EDIL3: variants seen among roughly 807,000 people sequenced by gnomAD.
The protein encoded by EDIL3 is EGF like and discoidin domains 3.
Under a neutral mutation model 67.4 loss-of-function variants are expected in EDIL3, and 37 were observed. The observed-to-expected ratio is 0.55, with a 90% confidence interval of 0.42 to 0.72. EDIL3 has a LOEUF of 0.72. Among genes scored for constraint, EDIL3 ranks in the 30% least tolerant of loss-of-function variants. The pLI, the probability that EDIL3 is intolerant of heterozygous loss-of-function variation, is 0.00. For missense variants in EDIL3, 527 were observed against 586.3 expected, an observed-to-expected ratio of 0.90 and a Z score of 1.04; for synonymous variants, 195 against 196.3, an observed-to-expected ratio of 0.99 and a Z score of 0.05.
intron 9 of EDIL3, among the ~76,000 whole-genome samples, chr5:84,019,562 T>A (rs977640366): frequency 6.6e-6 from 1 of 151,470 alleles, no homozygotes; most frequent in Admixed American, 6.6e-5. Flanking sequence ...AAAAATAAAA[T>A]AAAAATAACA....
At chr5:84,234,115 T>TC (rs1276045339) in intron 2 of EDIL3, among the ~76,000 whole-genome samples, 1 of 152,176 alleles carries the variant, frequency 6.6e-6, no homozygotes, top group Non-Finnish European at 1.5e-5. Context: ...TTAGAATGCA[T>TC]AAGAAATTAA....
At chr5:84,014,138 ATT>A (rs1474745609) in intron 9 of EDIL3, among the ~76,000 whole-genome samples, 1 of 152,110 alleles carries the variant, frequency 6.6e-6, no homozygotes, top group South Asian at 2.1e-4. Context: ...GCTTAACAGG[ATT>A]TTTCAATACA....
At chr5:84,340,560 ATATATATATATG>A (rs1342341326) in intron 1 of EDIL3, among the ~76,000 whole-genome samples, 22 of 132,912 alleles carry the variant, frequency 1.7e-4, no homozygotes, top group African/African-American at 6.0e-4. Context: ...ATATATATAT[ATATATATATATG>A]TTAGTCTACA....
chr5:84,376,759 A>T (rs1052021852), intron 1 of EDIL3, among the ~76,000 whole-genome samples: 6 of 152,184 alleles, frequency 3.9e-5, no homozygotes, highest in Non-Finnish European at 8.8e-5. Context: ...AATTCAGTAT[A>T]TATTAAGTGT....
chr5:84,142,111 T>C (rs1442224693), intron 4 of EDIL3, among the ~76,000 whole-genome samples: 1 of 151,498 alleles, frequency 6.6e-6, no homozygotes, highest in Non-Finnish European at 1.5e-5. Context: ...ACCATTATTG[T>C]ACAGATTATA....
chr5:84,373,322 A>T (rs997455990), intron 1 of EDIL3, among the ~76,000 whole-genome samples: 6 of 152,134 alleles, frequency 3.9e-5, no homozygotes, highest in Non-Finnish European at 8.8e-5. Flanking sequence ...TCCAATCATC[A>T]TGTCTTCTAC....
At chr5:84,259,290 C>T (rs577259848) in intron 1 of EDIL3, among the ~76,000 whole-genome samples, 1 of 152,174 alleles carries the variant, frequency 6.6e-6, no homozygotes, top group South Asian at 2.1e-4. Context: ...CAATGACAAC[C>T]AGTAGAAGAG....
chr5:84,154,469 T>C (rs1748454514), intron 4 of EDIL3, among the ~76,000 whole-genome samples: 1 of 152,150 alleles, frequency 6.6e-6, no homozygotes. Flanking sequence ...ATGGAGGCTG[T>C]TCTAGCATTA....
chr5:84,074,615 C>T (rs1438183297), intron 6 of EDIL3, among the ~76,000 whole-genome samples: 1 of 151,636 alleles, frequency 6.6e-6, no homozygotes, highest in Non-Finnish European at 1.5e-5. Context: ...CCATCACTGG[C>T]CATCAGCGAA....
chr5:84,081,716 C>G (rs1283994947), intron 6 of EDIL3, among the ~76,000 whole-genome samples: 1 of 151,322 alleles, frequency 6.6e-6, no homozygotes, highest in South Asian at 2.1e-4. Flanking sequence ...TGTACAAAAG[C>G]AAACAGCAAA....
At chr5:84,073,105 A>T (rs1041593979) in intron 6 of EDIL3, among the ~76,000 whole-genome samples, 30 of 152,206 alleles carry the variant, frequency 2.0e-4, no homozygotes, top group South Asian at 1.0e-3. Flanking sequence ...CCACATGATT[A>T]TCTCAATAGA....
At chr5:84,152,188 G>T (rs995394089) in intron 4 of EDIL3, among the ~76,000 whole-genome samples, 3 of 152,120 alleles carry the variant, frequency 2.0e-5, no homozygotes, top group Non-Finnish European at 2.9e-5. Flanking sequence ...AAAGTGCTGG[G>T]ATTACAGGCG....
At chr5:84,302,644 C>T (rs1746183961) in intron 1 of EDIL3, among the ~76,000 whole-genome samples, 1 of 152,132 alleles carries the variant, frequency 6.6e-6, no homozygotes, top group Non-Finnish European at 1.5e-5. Flanking sequence ...CAAGGTTTGG[C>T]ATGGGTTTAT....
At chr5:84,203,995 TACC>T (rs1743905392) in intron 3 of EDIL3, among the ~76,000 whole-genome samples, 1 of 152,196 alleles carries the variant, frequency 6.6e-6, no homozygotes, top group Non-Finnish European at 1.5e-5. Context: ...GCTTTTGATT[TACC>T]TGTTTGTCCA....
intron 1 of EDIL3, among the ~76,000 whole-genome samples, chr5:84,377,291 T>A (rs1747987534): frequency 7.6e-6 from 1 of 131,776 alleles, no homozygotes; most frequent in Non-Finnish European, 1.5e-5. Flanking sequence ...GCAGCCTGGG[T>A]AGCGAGACTC....
At chr5:84,011,890 C>T (rs78595614) in intron 9 of EDIL3, among the ~76,000 whole-genome samples, 2,177 of 152,136 alleles carry the variant, frequency 0.014, 37 homozygotes, top group African/African-American at 0.035. Context: ...TCGATTTTGC[C>T]TTATTTTGCA....
At chr5:84,109,191 C>T (rs1284318060) in intron 5 of EDIL3, among the ~76,000 whole-genome samples, 1 of 152,074 alleles carries the variant, frequency 6.6e-6, no homozygotes, top group Non-Finnish European at 1.5e-5. Flanking sequence ...CTCTTTAGTC[C>T]TGCATATTAA....
chr5:84,328,666 C>T (rs1263654592), intron 1 of EDIL3, among the ~76,000 whole-genome samples: 1 of 151,988 alleles, frequency 6.6e-6, no homozygotes, highest in Admixed American at 6.6e-5. Flanking sequence ...TGGCAAATTT[C>T]TTCAGTTCAA....
chr5:84,315,511 A>T (rs1746491495), intron 1 of EDIL3, among the ~76,000 whole-genome samples: 1 of 152,120 alleles, frequency 6.6e-6, no homozygotes, highest in Non-Finnish European at 1.5e-5. Context: ...AAGATTTAAC[A>T]CCTCATTGAT....
Sources: allele counts gnomAD v4.1 joint callset (sites outside exome capture counted in the v4.1 genomes callset), GRCh38; gene constraint gnomAD v4.1.1; transcripts MANE v1.5; gene names NCBI Gene and HGNC (gene_info 2026-07-23, HGNC 2026-07-21).